Variants in BCL11B observed in about 807,000 individuals in gnomAD.
The protein encoded by BCL11B is B-cell lymphoma/leukemia 11B.
A neutral mutation model predicts 49.9 loss-of-function variants in BCL11B; 8 were observed. The observed-to-expected ratio is 0.16, with a 90% CI of 0.09 to 0.29. The LOEUF is 0.29. Among genes scored for constraint, BCL11B ranks in the 10% least tolerant of loss-of-function variants. The pLI, the probability that BCL11B is intolerant of heterozygous loss-of-function variation, is 1.00. For missense variants in BCL11B, 1,006 were observed against 1,351.0 expected (o/e 0.74, Z 4.00); for synonymous variants, 739 against 637.4 (o/e 1.16, Z -2.40).
chr14:99,204,718 C>G (rs2139828220), intron 3 of BCL11B, among the ~76,000 whole-genome samples: 1 of 152,200 alleles, frequency 6.6e-6, no homozygotes, highest in East Asian at 1.9e-4. Flanking sequence ...TCCCTTTTCC[C>G]CCACATCCAG....
chr14:99,270,578 C>T (rs1056096734), intron 1 of BCL11B, among the ~76,000 whole-genome samples: 16 of 151,994 alleles, frequency 1.1e-4, no homozygotes, highest in Non-Finnish European at 2.2e-4. Flanking sequence ...GCTGCGGAAT[C>T]CTAGGACTGG....
intron 1 of BCL11B, among the ~76,000 whole-genome samples, chr14:99,268,763 G>A (rs1889561241): frequency 6.6e-6 from 1 of 152,188 alleles, no homozygotes. Context: ...GGCTCCGTGT[G>A]CCCCTCAAAG....
At chr14:99,190,488 A>AAATAGAAAT (rs2139795439) in intron 3 of BCL11B, among the ~76,000 whole-genome samples, 1 of 152,376 alleles carries the variant, frequency 6.6e-6, no homozygotes, top group South Asian at 2.1e-4. Flanking sequence ...ACTTCGTCTC[A>AAATAGAAAT]AATAGAAATA....
In BCL11B at chr14:99,174,686, G is replaced by A; in HGVS notation, c.2150C>T (p.Ala717Val). 1 of 1,574,880 alleles carries A rather than the reference G, an allele frequency of 6.3e-7. No individual in the cohort carries two copies. Among genetic ancestry groups the A allele is most frequent in the South Asian group, 1.1e-5 (1 of 87,942 alleles). Residue 717 changes from alanine (A) to valine (V), a missense_variant, in exon 4 of 4, where the codon GCG becomes GTG. Physicochemically the swap from Ala to Val is moderately conservative, Grantham distance 64. Around this residue, in one of 6 missense-constraint regions of BCL11B, gnomAD observed 443 missense variants for 499.7 expected, o/e 0.89. Coordinates refer to ENST00000357195, the MANE Select transcript of BCL11B (RefSeq NM_138576.4). ...VYSQWLVGYA[A>V]SRHFMKDPFL... ...GGGGTCCTTCATGAAGTGCCGCGAC[G>A]CCGCGTAGCCCACCAGCCACTGCGA...
At chr14:99,218,061 GTT>G (rs35487573) in intron 3 of BCL11B, among the ~76,000 whole-genome samples, 621 of 116,836 alleles carry the variant, frequency 5.3e-3, no homozygotes, top group Middle Eastern at 0.027. Context: ...ATCATTGCAG[GTT>G]TTTTTTTTTT....
At chr14:99,204,635 C>T (rs1887483117) in intron 3 of BCL11B, among the ~76,000 whole-genome samples, 2 of 152,180 alleles carry the variant, frequency 1.3e-5, no homozygotes, top group African/African-American at 4.8e-5. Context: ...GGACACCTCC[C>T]AGGGGCCAGG....
In BCL11B at chr14:99,262,058, C is replaced by A. The variant is rs1033206305; in HGVS notation, c.59-4219G>T. Among the ~76,000 whole-genome samples, 2 of 152,238 alleles carry A rather than the reference C, an allele frequency of 1.3e-5. No homozygotes were observed. The highest frequency in any genetic ancestry group is 2.9e-5 in the Non-Finnish European group (2 of 68,046). On this transcript the variant is annotated intron_variant, in intron 1 of 3. Coordinates refer to ENST00000357195, the MANE Select transcript of BCL11B (RefSeq NM_138576.4). The surrounding 1 kb of genome is among the most constrained non-coding windows in gnomAD (Gnocchi z 4.2). ...TGATCCCAAGACAAACTTCCCCATGCCTCGGCTTTGCTGGGAAGGAATTTG... is the reference window on the plus strand; with the variant it reads ...TGATCCCAAGACAAACTTCCCCATGACTCGGCTTTGCTGGGAAGGAATTTG...
At chr14:99,268,801 T>A (rs753571965) in intron 1 of BCL11B, among the ~76,000 whole-genome samples, 8 of 152,048 alleles carry the variant, frequency 5.3e-5, no homozygotes, top group Non-Finnish European at 1.2e-4. Flanking sequence ...TGCCCTCTGG[T>A]CTCCTTCCCC....
In BCL11B at chr14:99,175,312, C is replaced by T. The variant is rs781338395; in HGVS notation, c.1524G>A (p.Glu508=). 2.6e-6 allele frequency: 4 copies of T among 1,541,474 alleles called. No individual in the cohort carries two copies. The highest frequency in any genetic ancestry group is 3.5e-6 in the Non-Finnish European group (4 of 1,148,836). The change falls in exon 4 of 4, where the codon GAG becomes GAA. Residue 508 remains glutamate, a synonymous_variant. Transcript: ENST00000357195. ...AGTCACCGTCGGCCGCCTTGAGGCC[C>T]TCGCCCGCCAGCTCGCTGGTGCCGG... ...PEPGTSELAG[E]GLKAADGDFR...
chr14:99,269,146 C>T (rs1300483600), intron 1 of BCL11B, among the ~76,000 whole-genome samples: 1 of 151,014 alleles, frequency 6.6e-6, no homozygotes. Context: ...CATCCACTCC[C>T]CCTTCCCCGA....
Position 99,231,886 on chromosome 14 carries a change from C to A in BCL11B, c.428-329G>T, listed in dbSNP as rs948060184. On this transcript the variant is annotated intron_variant, in intron 2 of 3. Coordinates refer to ENST00000357195, the MANE Select transcript of BCL11B (RefSeq NM_138576.4). This position sits in a 1 kb window ranked among gnomAD's most constrained non-coding sequence, Gnocchi z 8.1. ...GGACCCACTCTCAGGAAGGACCCCC[C>A]ACGTGGGGGCCTCTGGAGCAATCAA... 1.3e-5 allele frequency among the ~76,000 whole-genome samples: 2 copies of A among 151,874 alleles called. No homozygotes were observed. Among genetic ancestry groups the A allele is most frequent in the Non-Finnish European group, 2.9e-5 (2 of 67,928 alleles).
chr14:99,270,542 T>C (rs1595090868), intron 1 of BCL11B, among the ~76,000 whole-genome samples: 2 of 151,708 alleles, frequency 1.3e-5, no homozygotes, highest in Admixed American at 1.3e-4. Flanking sequence ...ATTTTGCAAA[T>C]AGCAGGAGGA....
intron 3 of BCL11B, among the ~76,000 whole-genome samples, chr14:99,202,086 T>A (rs1194651724): frequency 6.6e-6 from 1 of 152,104 alleles, no homozygotes; most frequent in African/African-American, 2.4e-5. Context: ...GCTCAAGCAA[T>A]TCTCCCCACC....
Position 99,232,733 on chromosome 14 carries a change from A to G in BCL11B, c.428-1176T>C, listed in dbSNP as rs1013234840. On this transcript the variant is annotated intron_variant, in intron 2 of 3. Coordinates refer to ENST00000357195, the MANE Select transcript of BCL11B (RefSeq NM_138576.4). The surrounding 1 kb of genome is among the most constrained non-coding windows in gnomAD (Gnocchi z 5.1). ...TAGAATACCCATTGCACAGACCAGG[A>G]AACTGATGGCGTGACTGCAGAAAAC... is the stretch of plus-strand genomic sequence containing the variant. Among the ~76,000 whole-genome samples, 103 of 152,338 alleles carry G rather than the reference A, an allele frequency of 6.8e-4. No homozygotes were observed. The highest frequency in any genetic ancestry group is 2.4e-3 in the African/African-American group (101 of 41,572).
At chr14:99,209,352 C>T (rs758324384) in intron 3 of BCL11B, among the ~76,000 whole-genome samples, 1 of 152,236 alleles carries the variant, frequency 6.6e-6, no homozygotes, top group Non-Finnish European at 1.5e-5. Flanking sequence ...CACTGACATC[C>T]GCAGGGGACT....
intron 2 of BCL11B, among the ~76,000 whole-genome samples, chr14:99,244,029 C>A (rs941443217): frequency 6.7e-6 from 1 of 150,228 alleles, no homozygotes; most frequent in Non-Finnish European, 1.5e-5. Context: ...GCCACTCAGG[C>A]GCAGAAAGTG....
chr14:99,180,954 G>A (rs528023964), intron 3 of BCL11B, among the ~76,000 whole-genome samples: 1 of 152,234 alleles, frequency 6.6e-6, no homozygotes, highest in South Asian at 2.1e-4. Flanking sequence ...CTGCCATTAG[G>A]CTTTTTTATG....
chr14:99,268,840 CCTCT>C (rs1321212588), intron 1 of BCL11B, among the ~76,000 whole-genome samples: 3 of 152,162 alleles, frequency 2.0e-5, no homozygotes, highest in African/African-American at 4.8e-5. Context: ...TTCTCCTTTG[CCTCT>C]CTCTTTTTCC....
chr14:99,225,949 C>T lies in BCL11B; in HGVS notation c.640+5396G>A, dbSNP rs553948049. On this transcript the variant is annotated intron_variant, in intron 3 of 3. Transcript: ENST00000357195. Reference sequence around the variant, plus strand: ...TCTCCATGGCTTCTCCTGGCACTTCCTCCGGTCACAGAAAGAGGCGTCTGG... The same window carrying T: ...TCTCCATGGCTTCTCCTGGCACTTCTTCCGGTCACAGAAAGAGGCGTCTGG... Among the ~76,000 whole-genome samples the T allele has an allele frequency of 2.6e-5, 4 of 152,374 alleles. No individual in the cohort carries two copies. In the South Asian group the frequency reaches 6.2e-4, roughly 24 times the overall value.
Sources: allele counts gnomAD v4.1 joint callset (sites outside exome capture counted in the v4.1 genomes callset), GRCh38; gene constraint gnomAD v4.1.1; regional missense constraint gnomAD v4.1.1; non-coding constraint Gnocchi (gnomAD v3.1); transcripts MANE v1.5; gene names NCBI Gene and HGNC (gene_info 2026-07-23, HGNC 2026-07-21).